The following PRKN variants were observed in gnomAD, a reference collection of about 807,000 sequenced individuals.
PRKN encodes the protein parkin RBR E3 ubiquitin protein ligase, also known as E3 ubiquitin-protein ligase parkin.
Under a neutral mutation model 59.5 loss-of-function variants are expected in PRKN, and 56 were observed. The ratio of observed to expected loss-of-function variants is 0.94; its 90% CI spans 0.76 to 1.18. PRKN has a LOEUF of 1.18. PRKN is among the 50% of genes most tolerant of loss of function. PRKN has a pLI of 0.00. For missense variants in PRKN, 657 were observed against 596.4 expected, an observed-to-expected ratio of 1.10 and a Z score of -1.06; for synonymous variants, 250 against 222.1, an observed-to-expected ratio of 1.13 and a Z score of -1.12.
At chr6:162,072,812 C>T (rs149791438) in intron 4 of PRKN, among the ~76,000 whole-genome samples, 18 of 152,138 alleles carry the variant, frequency 1.2e-4, no homozygotes, top group Non-Finnish European at 1.3e-4. Flanking sequence ...AACAATTGCA[C>T]GTAACAAACA....
In PRKN at chr6:162,316,589, G is replaced by A. The variant is rs1215245309; in HGVS notation, c.172-53824C>T. ...GCCAAAAATTTTAAATAAACCAAAA[G>A]GATTCAATACATATTCACAGTTCTA... On this transcript the variant is annotated intron_variant, in intron 2 of 11. Transcript: ENST00000366898. Among the ~76,000 whole-genome samples the A allele has an allele frequency of 2.6e-5, 4 of 151,976 alleles. No homozygotes were observed. The East Asian group carries it at 7.8e-4, about 29-fold the overall frequency.
At chr6:162,347,446 G>T (rs1019449357) in intron 2 of PRKN, among the ~76,000 whole-genome samples, 37 of 151,422 alleles carry the variant, frequency 2.4e-4, no homozygotes, top group Non-Finnish European at 5.2e-4. Flanking sequence ...TTTCAATATG[G>T]GTTGACCTAG....
rs11320545 is a variant in PRKN at position 162,115,554 on chromosome 6, G to GA, written c.535-61381dup. 2.1e-3 allele frequency among the ~76,000 whole-genome samples: 305 copies of GA among 144,034 alleles called. 1 individual carries two copies. Among genetic ancestry groups the GA allele is most frequent in the African/African-American group, 6.8e-3 (273 of 39,906 alleles). 94.5% of individuals were successfully genotyped at this position (144,034 alleles called of 152,430 possible). ...AATAAAAATTTGACATGTTTCCAAA[G>GA]AAAAAAAAAAAAAGTCAAATGAGAT... On this transcript the variant is annotated intron_variant, in intron 4 of 11. Coordinates refer to ENST00000366898, the MANE Select transcript of PRKN (RefSeq NM_004562.3).
In PRKN at chr6:161,446,909, A is replaced by G. The variant is rs1789516228; in HGVS notation, c.1084-60032T>C. ...GCCACTCCCTCAACCAAATATCCCT[A>G]CATTCAGTTAAAAGCTACTCTGTAC... On this transcript the variant is annotated intron_variant, in intron 9 of 11. Transcript: ENST00000366898. This position sits in a 1 kb window ranked among gnomAD's most constrained non-coding sequence, Gnocchi z 6.2. Among the ~76,000 whole-genome samples the G allele has an allele frequency of 6.6e-6, 1 of 152,146 alleles. No individual in the cohort carries two copies. The highest frequency in any genetic ancestry group is 2.4e-5 in the African/African-American group (1 of 41,426).
intron 7 of PRKN, among the ~76,000 whole-genome samples, chr6:161,620,168 T>A (rs1229845490): frequency 6.6e-6 from 1 of 150,904 alleles, no homozygotes; most frequent in East Asian, 1.9e-4. Flanking sequence ...TTTTTTTTTT[T>A]TTTTTGTATT....
chr6:162,256,321 A>T (rs1779638334), intron 3 of PRKN, among the ~76,000 whole-genome samples: 1 of 152,192 alleles, frequency 6.6e-6, no homozygotes. Context: ...AATGTTTGGA[A>T]GCTACAGGTC....
chr6:162,190,621 C>T (rs1034907779), intron 4 of PRKN, among the ~76,000 whole-genome samples: 40 of 152,170 alleles, frequency 2.6e-4, no homozygotes, highest in African/African-American at 9.4e-4. Context: ...GATGGAAGAG[C>T]ATGCACGCAT....
intron 6 of PRKN, among the ~76,000 whole-genome samples, chr6:161,882,436 C>T (rs1364827570): frequency 3.9e-5 from 6 of 152,124 alleles, no homozygotes; most frequent in Admixed American, 1.3e-4. Context: ...CCAGCCCAGG[C>T]GGCAGCTTCC....
At chr6:162,642,431 T>G (rs1010392741) in intron 1 of PRKN, among the ~76,000 whole-genome samples, 1 of 152,166 alleles carries the variant, frequency 6.6e-6, no homozygotes, top group Non-Finnish European at 1.5e-5. Context: ...AATTTAATTT[T>G]AATCCAAATT....
chr6:161,789,455 A>C (rs1296893871), intron 6 of PRKN, among the ~76,000 whole-genome samples: 2 of 152,082 alleles, frequency 1.3e-5, no homozygotes, highest in Admixed American at 1.3e-4. Context: ...GTTCCTGTAC[A>C]CCTAGATGCA....
chr6:161,676,735 C>T (rs560695838), intron 7 of PRKN, among the ~76,000 whole-genome samples: 27 of 152,218 alleles, frequency 1.8e-4, no homozygotes, highest in African/African-American at 6.5e-4. Flanking sequence ...CAAAGGCTGG[C>T]CTGTTTTGGG....
intron 4 of PRKN, among the ~76,000 whole-genome samples, chr6:162,075,568 C>A (rs958883106): frequency 2.0e-5 from 3 of 151,974 alleles, no homozygotes; most frequent in Non-Finnish European, 4.4e-5. Flanking sequence ...ATATAATGTA[C>A]TGCCCGTGAA....
At chr6:161,949,496 G>A (rs1321089668) in intron 6 of PRKN, among the ~76,000 whole-genome samples, 2 of 151,828 alleles carry the variant, frequency 1.3e-5, no homozygotes, top group Admixed American at 1.3e-4. Flanking sequence ...GGGCAACAGA[G>A]CAAGACTCTG....
At chr6:162,291,667 G>A (rs181506012) in intron 2 of PRKN, among the ~76,000 whole-genome samples, 45 of 152,202 alleles carry the variant, frequency 3.0e-4, no homozygotes, top group African/African-American at 9.1e-4. Context: ...AGAATTTCCC[G>A]TAAAAAGATG....
At chr6:161,464,649 A>G (rs1275534616) in intron 9 of PRKN, among the ~76,000 whole-genome samples, 1 of 152,206 alleles carries the variant, frequency 6.6e-6, no homozygotes, top group Non-Finnish European at 1.5e-5. Context: ...CAGTCTTGGT[A>G]TTGGTAATTT....
rs549710581 is a variant in PRKN, at chr6:162,529,093, C to T, written c.8-85620G>A. Among the ~76,000 whole-genome samples the T allele has an allele frequency of 3.9e-5, 6 of 152,140 alleles. No individual in the cohort carries two copies. In the South Asian group the frequency reaches 1.2e-3, roughly 32 times the overall value. The stretch of plus-strand genomic sequence containing the variant: ...TTCACCATGTTGGCCTGGCTGGTCT[C>T]GAATTCCTGTCCTCAAGCAATCTGC... On this transcript the variant is annotated intron_variant, in intron 1 of 11. Transcript: ENST00000366898.
chr6:162,386,945 C>T (rs1390543588), intron 2 of PRKN, among the ~76,000 whole-genome samples: 2 of 152,154 alleles, frequency 1.3e-5, no homozygotes, highest in African/African-American at 4.8e-5. Context: ...CTCCCCAAGG[C>T]AGAATCCCTG....
At chr6:161,702,114 G>T (rs747712898) in intron 7 of PRKN, among the ~76,000 whole-genome samples, 1 of 152,066 alleles carries the variant, frequency 6.6e-6, no homozygotes, top group Non-Finnish European at 1.5e-5. Flanking sequence ...CATGTTTTCA[G>T]TTATTCATGA....
chr6:162,207,402 C>A (rs1272171623), intron 3 of PRKN, among the ~76,000 whole-genome samples: 1 of 152,000 alleles, frequency 6.6e-6, no homozygotes, highest in Non-Finnish European at 1.5e-5. Context: ...ATGGGGATAA[C>A]GACCATTTCA....
Sources: allele counts gnomAD v4.1 joint callset (sites outside exome capture counted in the v4.1 genomes callset), GRCh38; gene constraint gnomAD v4.1.1; non-coding constraint Gnocchi (gnomAD v3.1); transcripts MANE v1.5; gene names NCBI Gene and HGNC (gene_info 2026-07-23, HGNC 2026-07-21).